The following NBAS variants were observed in gnomAD, a reference collection of about 807,000 sequenced individuals.
NBAS encodes NAG/BC035112 fusion.
A neutral mutation model predicts 302.5 loss-of-function variants in NBAS; 219 were observed. The ratio of observed to expected loss-of-function variants is 0.72; its 90% CI spans 0.65 to 0.81. The LOEUF is 0.81. Ranked by LOEUF, NBAS falls within the 30% of genes least tolerant of loss-of-function variation. The pLI is 0.00. For missense variants in NBAS, 2,932 were observed against 2,841.6 expected, an observed-to-expected ratio of 1.03 and a Z score of -0.72; for synonymous variants, 1,118 against 1,021.6, an observed-to-expected ratio of 1.09 and a Z score of -1.80.
the NBAS span, among the ~76,000 whole-genome samples, chr2:14,794,807 C>A: frequency 9.9e-5 from 15 of 152,272 alleles, no homozygotes; most frequent in East Asian, 2.1e-3. Context: ...CTTTCTGTCA[C>A]TCCAGATTAG....
At chr2:14,860,488 T>A in the NBAS span, among the ~76,000 whole-genome samples, 1 of 152,218 alleles carries the variant, frequency 6.6e-6, no homozygotes, top group Admixed American at 6.5e-5. Flanking sequence ...CACAATGGAA[T>A]ATTTCTCATC....
In NBAS at chr2:15,276,863, C is replaced by G; in HGVS notation, c.5377G>C (p.Val1793Leu). 2 of 1,614,040 alleles carry G rather than the reference C, an allele frequency of 1.2e-6. No individual in the cohort carries two copies. The highest frequency in any genetic ancestry group is 1.7e-6 in the Non-Finnish European group (2 of 1,179,964). ...ACAACCATCCTACCTGATGCAACAA[C>G]CTTAAACTTCTTCAGCAGTCGAATG... ...THIRLLKKFKVVASGLNYKKL... is the reference protein window; with the variant it reads ...THIRLLKKFKLVASGLNYKKL... The change falls in exon 43 of 52, where the codon GTT becomes CTT. Residue 1793 changes from valine to leucine, a missense_variant. Physicochemically the swap from Val to Leu is conservative, Grantham distance 32. Transcript: ENST00000281513.
At chr2:14,797,659 G>A in the NBAS span, among the ~76,000 whole-genome samples, 6 of 108,866 alleles carry the variant, frequency 5.5e-5, no homozygotes, top group South Asian at 2.6e-4. Context: ...ACTGTGGCCC[G>A]GCCTCTTTGC....
chr2:14,875,847 C>T, the NBAS span, among the ~76,000 whole-genome samples: 1 of 152,092 alleles, frequency 6.6e-6, no homozygotes, highest in Non-Finnish European at 1.5e-5. Flanking sequence ...GTCCTCCTCT[C>T]TCTGGAAAGG....
At chr2:15,127,927 G>T in the NBAS span, among the ~76,000 whole-genome samples, 2 of 152,104 alleles carry the variant, frequency 1.3e-5, no homozygotes, top group African/African-American at 4.8e-5. Flanking sequence ...TATTTCTTGG[G>T]GCCACTAACA....
intron 9 of NBAS, among the ~76,000 whole-genome samples, chr2:15,531,218 G>T (rs1305233676): frequency 6.6e-6 from 1 of 151,990 alleles, no homozygotes; most frequent in Non-Finnish European, 1.5e-5. Context: ...AACCAAGAAA[G>T]AAAAAAACAA....
chr2:15,472,475 C>T (rs1454630191), intron 16 of NBAS, among the ~76,000 whole-genome samples: 1 of 152,148 alleles, frequency 6.6e-6, no homozygotes, highest in Non-Finnish European at 1.5e-5. Context: ...CAGTCTTGGC[C>T]ATGATTCCTT....
the NBAS span, among the ~76,000 whole-genome samples, chr2:15,054,204 T>C: frequency 6.6e-6 from 1 of 152,188 alleles, no homozygotes; most frequent in Non-Finnish European, 1.5e-5. Flanking sequence ...CAACTTGAGA[T>C]AGGTATTACT....
At chr2:15,417,762 C>T (rs1292214887) in intron 23 of NBAS, 50 bp from the exon 24 acceptor site, 3 of 1,550,850 alleles carry the variant, frequency 1.9e-6, no homozygotes, top group Non-Finnish European at 2.7e-6. Context: ...TATTTCTCAT[C>T]TATTCTAAAG....
the NBAS span, among the ~76,000 whole-genome samples, chr2:15,101,206 G>T: frequency 6.6e-6 from 1 of 152,180 alleles, no homozygotes; most frequent in African/African-American, 2.4e-5. Context: ...ATATCTTGCT[G>T]TATTGTCAAG....
chr2:15,131,398 T>G, the NBAS span, among the ~76,000 whole-genome samples: 2 of 152,194 alleles, frequency 1.3e-5, no homozygotes, highest in Non-Finnish European at 2.9e-5. Flanking sequence ...AGAACTGAAT[T>G]TGAGTTGTGT....
the NBAS span, among the ~76,000 whole-genome samples, chr2:15,016,319 C>G: frequency 6.6e-6 from 1 of 152,170 alleles, no homozygotes; most frequent in East Asian, 1.9e-4. Flanking sequence ...ATTCAATTAT[C>G]TCCCACTGGG....
intron 8 of NBAS, 117 bp downstream of exon 8, chr2:15,536,301 A>T (rs1306989398): frequency 8.2e-7 from 1 of 1,218,118 alleles, no homozygotes; most frequent in Non-Finnish European, 1.2e-6. Flanking sequence ...ATTCCCTATT[A>T]TATTTGCAAT....
At chr2:14,785,368 T>C in the NBAS span, among the ~76,000 whole-genome samples, 148 of 152,022 alleles carry the variant, frequency 9.7e-4, 2 homozygotes, top group African/African-American at 3.4e-3. Context: ...TGAATAGGAG[T>C]GGTGAGAGAG....
the NBAS span, among the ~76,000 whole-genome samples, chr2:14,863,974 G>T: frequency 6.6e-6 from 1 of 152,060 alleles, no homozygotes; most frequent in East Asian, 1.9e-4. Context: ...TCTACAAATG[G>T]CAAGATTAAC....
intron 41 of NBAS, among the ~76,000 whole-genome samples, chr2:15,287,739 ATCCCCGC>A (rs1670113902): frequency 6.6e-6 from 1 of 151,580 alleles, no homozygotes; most frequent in South Asian, 2.1e-4. Flanking sequence ...CCAGGTAGGC[ATCCCCGC>A]ATAAACATCC....
At chr2:15,141,478 C>A in the NBAS span, among the ~76,000 whole-genome samples, 1 of 152,104 alleles carries the variant, frequency 6.6e-6, no homozygotes, top group African/African-American at 2.4e-5. Context: ...TGGGGAGAGC[C>A]CTTTTCTCTT....
At chr2:15,461,544 T>A in intron 20 of NBAS, 143 bp downstream of exon 20, 1 of 751,336 alleles carries the variant, frequency 1.3e-6, no homozygotes, top group Non-Finnish European at 2.2e-6. Context: ...TGATGGATAT[T>A]AAATTAAAAT....
chr2:15,037,802 T>C, the NBAS span, among the ~76,000 whole-genome samples: 1 of 152,112 alleles, frequency 6.6e-6, no homozygotes, highest in African/African-American at 2.4e-5. Flanking sequence ...GCTATACTTA[T>C]TTACATAGAA....
Sources: allele counts gnomAD v4.1 joint callset (sites outside exome capture counted in the v4.1 genomes callset), GRCh38; gene constraint gnomAD v4.1.1; transcripts MANE v1.5; gene names NCBI Gene and HGNC (gene_info 2026-07-23, HGNC 2026-07-21).